The following PPFIA2 variants were observed in gnomAD, a reference collection of about 807,000 sequenced individuals.
The protein encoded by PPFIA2 is PPFI scaffold protein A2.
PPFIA2 carries 46 observed loss-of-function variants against 175.5 expected under a neutral mutation model. The observed-to-expected ratio is 0.26, with a 90% CI of 0.21 to 0.34. PPFIA2 has a LOEUF of 0.34. PPFIA2 is among the 10% of genes least tolerant of loss of function. PPFIA2 has a pLI of 1.00. For synonymous variants in PPFIA2, 568 were observed against 511.4 expected (o/e 1.11, Z -1.49); for missense variants, 1,179 against 1,506.1 (o/e 0.78, Z 3.60).
chr12:81,496,147 C>T (rs2060000406), intron 4 of PPFIA2, among the ~76,000 whole-genome samples: 1 of 152,096 alleles, frequency 6.6e-6, no homozygotes, highest in Non-Finnish European at 1.5e-5. Flanking sequence ...TGCATCTCCT[C>T]CCTCCTCCGC....
intron 22 of PPFIA2, among the ~76,000 whole-genome samples, chr12:81,313,149 A>G (rs146328442): frequency 1.2e-4 from 18 of 152,290 alleles, no homozygotes; most frequent in African/African-American, 4.1e-4. Context: ...TAGTAGAGGC[A>G]TTGAGAAAAT....
At chr12:81,579,639 C>A (rs191708517) in intron 4 of PPFIA2, among the ~76,000 whole-genome samples, 3 of 151,676 alleles carry the variant, frequency 2.0e-5, no homozygotes, top group South Asian at 2.1e-4. Flanking sequence ...AATTGGCTTA[C>A]GAAGGAAATA....
At chr12:81,368,198 C>T in intron 13 of PPFIA2, 1 of 1,254,980 alleles carries the variant, frequency 8.0e-7, no homozygotes, top group Non-Finnish European at 1.0e-6. Flanking sequence ...CTGTAAATCA[C>T]ATTGCAGACT....
intron 4 of PPFIA2, among the ~76,000 whole-genome samples, chr12:81,469,830 AT>A (rs2056419666): frequency 6.6e-6 from 1 of 152,194 alleles, no homozygotes; most frequent in African/African-American, 2.4e-5. Flanking sequence ...TTAGGTTTAG[AT>A]GAAGTCATGA....
At chr12:81,736,863 C>T (rs988337176) in intron 3 of PPFIA2, among the ~76,000 whole-genome samples, 6 of 151,928 alleles carry the variant, frequency 3.9e-5, no homozygotes, top group Non-Finnish European at 7.4e-5. Flanking sequence ...TTGCCTCTGC[C>T]TCCCCAGCAG....
intron 3 of PPFIA2, among the ~76,000 whole-genome samples, chr12:81,726,770 T>C (rs2080138155): frequency 6.6e-6 from 1 of 151,332 alleles, no homozygotes; most frequent in African/African-American, 2.4e-5. Context: ...CTGTAGTATC[T>C]GCATCTGGGG....
At chr12:81,618,395 G>T (rs1205117672) in intron 4 of PPFIA2, among the ~76,000 whole-genome samples, 1 of 151,906 alleles carries the variant, frequency 6.6e-6, no homozygotes, top group South Asian at 2.1e-4. Flanking sequence ...ATTAATGTAG[G>T]TAATAGTTAG....
rs150489731 is a variant in PPFIA2 at position 81,539,221 on chromosome 12, T to C, written c.304-81355A>G. The stretch of plus-strand genomic sequence containing the variant: ...CGTCAACTGAGATGCCTATTAGAAA[T>C]AGAAATGGAGAGGTTGGGTAGACAT... On this transcript the variant is annotated intron_variant, in intron 4 of 32. Transcript: ENST00000549396. Among the ~76,000 whole-genome samples the C allele has an allele frequency of 8.2e-4, 124 of 151,956 alleles. 1 individual carries two copies. The highest frequency in any genetic ancestry group is 1.3e-3 in the Non-Finnish European group (88 of 67,910).
At chr12:81,269,736 T>A (rs1434748834) in intron 28 of PPFIA2, among the ~76,000 whole-genome samples, 1 of 152,228 alleles carries the variant, frequency 6.6e-6, no homozygotes, top group African/African-American at 2.4e-5. Flanking sequence ...ATATGTACTT[T>A]TTTGTCTGCC....
At chr12:81,624,826 G>C (rs2062502571) in intron 4 of PPFIA2, among the ~76,000 whole-genome samples, 1 of 150,700 alleles carries the variant, frequency 6.6e-6, no homozygotes, top group African/African-American at 2.4e-5. Flanking sequence ...AGACTCAGAA[G>C]GGGGAGGGTG....
chr12:81,591,254 TTTC>T, intron 4 of PPFIA2, among the ~76,000 whole-genome samples: 1 of 152,136 alleles, frequency 6.6e-6, no homozygotes, highest in East Asian at 1.9e-4. Flanking sequence ...GCAGAAGAAA[TTTC>T]AAAGCAGCAA....
At position 81,476,099 on chromosome 12, in the gene PPFIA2, G is replaced by A. The variant is rs906826692; in HGVS notation, c.304-18233C>T. ...GTCTTTCAGAGTGAAGCTCCTCAGA[G>A]GCTCTGGACTTATGCTGAAGTTTTA... On this transcript the variant is annotated intron_variant, in intron 4 of 32. Transcript: ENST00000549396. Among the ~76,000 whole-genome samples the A allele has an allele frequency of 5.3e-5, 8 of 152,160 alleles. No individual in the cohort carries two copies. In the South Asian group the frequency reaches 6.2e-4, roughly 12 times the overall value.
At chr12:81,291,167 T>A (rs2044867199) in intron 24 of PPFIA2, among the ~76,000 whole-genome samples, 2 of 152,120 alleles carry the variant, frequency 1.3e-5, no homozygotes, top group South Asian at 4.1e-4. Context: ...CAGTATTTTT[T>A]AATGTTTTTA....
chr12:81,694,696 T>C (rs1220657371), intron 3 of PPFIA2, among the ~76,000 whole-genome samples: 1 of 152,020 alleles, frequency 6.6e-6, no homozygotes, highest in Non-Finnish European at 1.5e-5. Flanking sequence ...CACTGCATAG[T>C]GAAGCTATGA....
At chr12:81,741,435 TTTAG>T (rs1414476243) in intron 3 of PPFIA2, among the ~76,000 whole-genome samples, 15 of 152,170 alleles carry the variant, frequency 9.9e-5, no homozygotes, top group African/African-American at 3.6e-4. Context: ...TTTTCATTTA[TTTAG>T]TATTTTTTTT....
intron 8 of PPFIA2, among the ~76,000 whole-genome samples, chr12:81,385,487 C>T (rs892954104): frequency 2.6e-5 from 4 of 152,042 alleles, no homozygotes; most frequent in Non-Finnish European, 2.9e-5. Context: ...TGGATAAAAG[C>T]GAGTGTGGCA....
intron 4 of PPFIA2, among the ~76,000 whole-genome samples, chr12:81,631,060 C>CA (rs1567641083): frequency 1.3e-5 from 2 of 151,874 alleles, no homozygotes; most frequent in East Asian, 3.9e-4. Context: ...ATGCCAGGCT[C>CA]ATTTTTGTAT....
intron 8 of PPFIA2, among the ~76,000 whole-genome samples, chr12:81,389,495 G>A (rs1225658273): frequency 6.6e-6 from 1 of 151,922 alleles, no homozygotes; most frequent in Admixed American, 6.6e-5. Context: ...TACCCATGAG[G>A]AGATTTTAAA....
At chr12:81,349,857 G>A (rs1338181469) in intron 17 of PPFIA2, among the ~76,000 whole-genome samples, 4 of 152,110 alleles carry the variant, frequency 2.6e-5, no homozygotes, top group Non-Finnish European at 5.9e-5. Context: ...TTGAATCAGC[G>A]AGCTGTGAAG....
Sources: gnomAD v4.1 joint callset for allele counts (sites outside exome capture counted in the v4.1 genomes callset) on GRCh38, gnomAD v4.1.1 for gene constraint, MANE v1.5 for transcripts, NCBI Gene and HGNC (gene_info 2026-07-23, HGNC 2026-07-21) for gene names.